Variants in VPS35L observed in about 807,000 individuals in gnomAD.
VPS35L encodes VPS35 endosomal protein sorting factor like, also known as VPS35 endosomal protein-sorting factor-like.
VPS35L carries 83 observed loss-of-function variants against 133.0 expected under a neutral mutation model. That is an observed-to-expected ratio of 0.62 (90% CI 0.52 to 0.75). The LOEUF is 0.75. VPS35L is among the 30% of genes least tolerant of loss of function. The pLI, the probability that VPS35L is intolerant of heterozygous loss-of-function variation, is 0.00. For missense variants in VPS35L, 1,083 were observed against 1,206.8 expected (o/e 0.90, Z 1.52); for synonymous variants, 423 against 449.9 (o/e 0.94, Z 0.76).
intron 27 of VPS35L, among the ~76,000 whole-genome samples, chr16:19,674,172 T>TTTTTTC (rs57748121): frequency 0.013 from 1,731 of 137,770 alleles, 74 homozygotes; most frequent in African/African-American, 0.041. Flanking sequence ...CTGGTTCAGT[T>TTTTTTC]TTTTTCTTTT....
At chr16:19,562,513 T>A (rs191219689) in intron 1 of VPS35L, among the ~76,000 whole-genome samples, 1 of 152,234 alleles carries the variant, frequency 6.6e-6, no homozygotes, top group Admixed American at 6.5e-5. Context: ...AGGGGTCAAA[T>A]GGGTTAACTT....
intron 12 of VPS35L, among the ~76,000 whole-genome samples, chr16:19,611,515 G>A (rs1371900247): frequency 1.3e-5 from 2 of 152,130 alleles, no homozygotes; most frequent in African/African-American, 4.8e-5. Context: ...CAGAAGGCGA[G>A]AACATGTAGC....
At chr16:19,658,901 G>A (rs1321884577) in intron 26 of VPS35L, among the ~76,000 whole-genome samples, 5 of 152,032 alleles carry the variant, frequency 3.3e-5, no homozygotes, top group Admixed American at 1.3e-4. Context: ...TATTCAGTAC[G>A]TATTATTAGG....
rs1597373530 is a variant in VPS35L at position 19,626,205 on chromosome 16, G to A, written c.1253G>A (p.Cys418Tyr). 1 of 1,599,868 alleles carries A rather than the reference G, an allele frequency of 6.3e-7. No homozygotes were observed. Among genetic ancestry groups the A allele is most frequent in the Non-Finnish European group, 8.5e-7 (1 of 1,171,254 alleles). Residue 418 changes from cysteine to tyrosine, a missense_variant, in exon 15 of 31, where the codon TGT becomes TAT. By Grantham distance (194) the Cys-to-Tyr change is radical. Coordinates refer to ENST00000417362, the MANE Select transcript of VPS35L (RefSeq NM_020314.7). ...CTGCTGACCGAGATGATGGAAAGGT[G>A]TAAGAAACTAGGAAACAAGTAAGTA... ...EALLTEMMER[C>Y]KKLGNNALLL...
At chr16:19,586,310 A>T (rs1335094221) in intron 7 of VPS35L, among the ~76,000 whole-genome samples, 2 of 151,720 alleles carry the variant, frequency 1.3e-5, no homozygotes, top group African/African-American at 4.8e-5. Context: ...GAAGTGTGGA[A>T]GTATGTATGT....
intron 28 of VPS35L, among the ~76,000 whole-genome samples, chr16:19,688,890 A>G (rs1273370511): frequency 1.3e-5 from 2 of 152,230 alleles, no homozygotes; most frequent in African/African-American, 4.8e-5. Context: ...GGCTGGCCCT[A>G]GCCAAAAAAG....
intron 7 of VPS35L, among the ~76,000 whole-genome samples, chr16:19,591,532 A>G (rs1340468951): frequency 6.6e-6 from 1 of 151,390 alleles, no homozygotes; most frequent in Non-Finnish European, 1.5e-5. Flanking sequence ...CCTGGGCAAC[A>G]TAGCGAGACC....
chr16:19,564,901 A>T lies in VPS35L; in HGVS notation c.68A>T (p.Glu23Val). 6.2e-7 allele frequency: 1 copy of T among 1,613,704 alleles called. No homozygotes were observed. The highest frequency in any genetic ancestry group is 8.5e-7 in the Non-Finnish European group (1 of 1,179,710). The change falls in exon 2 of 31, where the codon GAG becomes GTG. Residue 23 changes from glutamate (E) to valine (V), a missense_variant. Physicochemically the swap from Glu to Val is moderately radical, Grantham distance 121 (BLOSUM62 -2). Transcript: ENST00000417362. Reference protein sequence around the residue: ...YKAEFASCRLEAVPLEFGDYH... With the variant: ...YKAEFASCRLVAVPLEFGDYH... ...GCTGAATTTGCATCATGCCGACTGG[A>T]GGCTGTACCATTGGAGTTTGGGGAC...
chr16:19,578,842 G>C, intron 5 of VPS35L: 1 of 580,664 alleles, frequency 1.7e-6, no homozygotes, highest in South Asian at 2.0e-5. Context: ...TGGCCCACTG[G>C]GCTCCCAGGG....
chr16:19,596,673 A>G (rs373293120), intron 8 of VPS35L, among the ~76,000 whole-genome samples: 54 of 152,206 alleles, frequency 3.5e-4, no homozygotes, highest in African/African-American at 1.3e-3. Context: ...CATCAATAGG[A>G]GCTAGCTCAA....
chr16:19,647,962 T>C, intron 24 of VPS35L, 80 bp downstream of exon 24: 1 of 1,314,182 alleles, frequency 7.6e-7, no homozygotes, highest in Non-Finnish European at 1.1e-6. Flanking sequence ...ATTTTGATTT[T>C]ATTTTATTAG....
intron 14 of VPS35L, among the ~76,000 whole-genome samples, chr16:19,624,778 A>T (rs1973208762): frequency 6.6e-6 from 1 of 152,138 alleles, no homozygotes; most frequent in African/African-American, 2.4e-5. Flanking sequence ...CTTATTAGGA[A>T]GTGTCTTAAC....
chr16:19,616,256 C>T (rs933781138), intron 13 of VPS35L, 65 bp downstream of exon 13: 2 of 1,446,654 alleles, frequency 1.4e-6, no homozygotes, highest in East Asian at 4.6e-5. Context: ...TTCACAAAAC[C>T]CAGTTGGTTT....
chr16:19,689,756 C>T (rs542509680), intron 28 of VPS35L, among the ~76,000 whole-genome samples: 20 of 152,220 alleles, frequency 1.3e-4, no homozygotes, highest in African/African-American at 3.1e-4. Flanking sequence ...CACACTGATG[C>T]GACACTACCT....
intron 12 of VPS35L, among the ~76,000 whole-genome samples, chr16:19,614,122 C>T (rs1278136806): frequency 6.6e-6 from 1 of 152,184 alleles, no homozygotes; most frequent in African/African-American, 2.4e-5. Context: ...GCTCAGCCAC[C>T]AGGCCAGCCT....
At chr16:19,567,022 G>A (rs1971211145) in intron 2 of VPS35L, among the ~76,000 whole-genome samples, 1 of 152,040 alleles carries the variant, frequency 6.6e-6, no homozygotes, top group Admixed American at 6.6e-5. Context: ...AAAGTGCTGG[G>A]ATTACAGGTA....
intron 19 of VPS35L, among the ~76,000 whole-genome samples, chr16:19,636,321 G>A (rs1973622365): frequency 6.6e-6 from 1 of 152,132 alleles, no homozygotes; most frequent in Admixed American, 6.6e-5. Context: ...TCTAGGTGGT[G>A]AATAAATGCG....
rs1401253426 is a variant in VPS35L at position 19,585,394 on chromosome 16, GTTTTCTT to G, written c.639+3753_639+3759del. Among the ~76,000 whole-genome samples, 8 of 146,798 alleles carry G rather than the reference GTTTTCTT, an allele frequency of 5.4e-5. No individual in the cohort carries two copies. The South Asian group carries it at 6.6e-4, about 12-fold the overall frequency. On this transcript the variant is annotated intron_variant, in intron 7 of 30. Transcript: ENST00000417362. Reference sequence around the variant, plus strand: ...CTCGGTATTGTCCATCTTTTCTTCTGTTTTCTTTTTTCTTTTTTTTTTTTTTTTTTGA... The same window carrying G: ...CTCGGTATTGTCCATCTTTTCTTCTGTTTTCTTTTTTTTTTTTTTTTTTGA...
intron 2 of VPS35L, among the ~76,000 whole-genome samples, chr16:19,566,392 A>G (rs896360428): frequency 3.3e-5 from 5 of 152,170 alleles, no homozygotes; most frequent in African/African-American, 9.7e-5. Context: ...ACTACTCAGG[A>G]GACTAAGAGA....
Sources: gnomAD v4.1 joint callset for allele counts (sites outside exome capture counted in the v4.1 genomes callset) on GRCh38, gnomAD v4.1.1 for gene constraint, MANE v1.5 for transcripts, NCBI Gene and HGNC (gene_info 2026-07-23, HGNC 2026-07-21) for gene names.